The following SMIM36 variants were observed in gnomAD, a reference collection of about 807,000 sequenced individuals.
SMIM36 encodes small integral membrane protein 36.
chr17:55,486,835 T>C (rs1337291777), intron 1 of SMIM36, among the ~76,000 whole-genome samples: 5 of 152,186 alleles, frequency 3.3e-5, no homozygotes, highest in Non-Finnish European at 7.3e-5. Flanking sequence ...GAATAACTAA[T>C]ATCAGCTCCC....
upstream of SMIM36, among the ~76,000 whole-genome samples, chr17:55,513,755 G>C (rs143648848): frequency 1.4e-3 from 208 of 152,280 alleles, no homozygotes; most frequent in African/African-American, 4.7e-3. Flanking sequence ...ACTACATATA[G>C]TTTAGTCCAC....
At chr17:55,451,011 T>C (rs759732935) in intron 4 of SMIM36, among the ~76,000 whole-genome samples, 3 of 152,118 alleles carry the variant, frequency 2.0e-5, no homozygotes, top group African/African-American at 4.8e-5. Context: ...CTCAGCCTCT[T>C]GAGTAGCTGG....
At chr17:55,478,521 C>T (rs145873014) in intron 3 of SMIM36, among the ~76,000 whole-genome samples, 42 of 152,282 alleles carry the variant, frequency 2.8e-4, no homozygotes, top group African/African-American at 9.6e-4. Flanking sequence ...TGAGCCACCA[C>T]ACCTGGCCTA....
chr17:55,498,454 A>G (rs1909847389), intron 1 of SMIM36, among the ~76,000 whole-genome samples: 1 of 152,192 alleles, frequency 6.6e-6, no homozygotes, highest in Non-Finnish European at 1.5e-5. Context: ...TCTAGCCAGC[A>G]GGTCATGAAG....
the SMIM36 span, among the ~76,000 whole-genome samples, chr17:55,517,376 C>A: frequency 1.3e-5 from 2 of 152,144 alleles, no homozygotes; most frequent in African/African-American, 4.8e-5. Context: ...CATGGTGAAA[C>A]CCCATCTCTA....
At chr17:55,524,325 G>A in the SMIM36 span, among the ~76,000 whole-genome samples, 1 of 152,076 alleles carries the variant, frequency 6.6e-6, no homozygotes, top group Non-Finnish European at 1.5e-5. Flanking sequence ...ATCTGTCATC[G>A]ATGGACATTA....
At chr17:55,495,483 G>A (rs1353962632) in intron 1 of SMIM36, among the ~76,000 whole-genome samples, 1 of 152,148 alleles carries the variant, frequency 6.6e-6, no homozygotes, top group Admixed American at 6.5e-5. Context: ...TGTATAAACA[G>A]TGCTTATTTA....
At chr17:55,496,432 A>C (rs1282474245) in intron 1 of SMIM36, among the ~76,000 whole-genome samples, 1 of 152,184 alleles carries the variant, frequency 6.6e-6, no homozygotes, top group Non-Finnish European at 1.5e-5. Flanking sequence ...ACTTCCTACT[A>C]TCTTGGGAGG....
chr17:55,521,898 T>A, the SMIM36 span, among the ~76,000 whole-genome samples: 1 of 151,320 alleles, frequency 6.6e-6, no homozygotes. Context: ...CCTCCCAACT[T>A]GATTAATGCA....
chr17:55,451,502 T>C (rs1168527976), intron 4 of SMIM36, among the ~76,000 whole-genome samples: 1 of 152,244 alleles, frequency 6.6e-6, no homozygotes, highest in Non-Finnish European at 1.5e-5. Flanking sequence ...TTGAAGTGGC[T>C]GTTTCCTCCA....
At chr17:55,460,121 A>C (rs1598447122) in intron 4 of SMIM36, among the ~76,000 whole-genome samples, 1 of 152,206 alleles carries the variant, frequency 6.6e-6, no homozygotes, top group Admixed American at 6.5e-5. Flanking sequence ...TTAACTCATC[A>C]TCCATAGATC....
chr17:55,500,441 C>G (rs1293499512), intron 1 of SMIM36, among the ~76,000 whole-genome samples: 2 of 151,908 alleles, frequency 1.3e-5, no homozygotes, highest in Non-Finnish European at 2.9e-5. Context: ...ATTCTTAGTT[C>G]TAGTTCTTAC....
intron 1 of SMIM36, among the ~76,000 whole-genome samples, chr17:55,480,241 T>TAAAA (rs112973181): frequency 2.3e-5 from 3 of 128,798 alleles, no homozygotes; most frequent in African/African-American, 8.7e-5. Context: ...TGGAGCGTTC[T>TAAAA]AAAAAAAAAA....
At chr17:55,519,426 TG>T in the SMIM36 span, among the ~76,000 whole-genome samples, 2 of 152,252 alleles carry the variant, frequency 1.3e-5, no homozygotes, top group African/African-American at 4.8e-5. Flanking sequence ...GGTCCCTGTG[TG>T]GTCAAAGAGA....
intron 1 of SMIM36, among the ~76,000 whole-genome samples, chr17:55,507,335 C>G (rs1341194714): frequency 2.7e-4 from 37 of 136,760 alleles, no homozygotes; most frequent in Non-Finnish European, 5.5e-4. Flanking sequence ...ACCCAAATGT[C>G]CAACAACGAT....
intron 1 of SMIM36, among the ~76,000 whole-genome samples, chr17:55,496,919 C>T (rs1909818511): frequency 6.6e-6 from 1 of 152,134 alleles, no homozygotes. Context: ...CTCAAACTCC[C>T]TTGTTTCTAA....
chr17:55,463,903 G>A (rs1260612591), intron 4 of SMIM36, among the ~76,000 whole-genome samples: 4 of 152,072 alleles, frequency 2.6e-5, no homozygotes, highest in Non-Finnish European at 4.4e-5. Flanking sequence ...ATCACTTGAG[G>A]CCAGGAGTTC....
At chr17:55,491,755 A>T (rs1909709443) in intron 1 of SMIM36, among the ~76,000 whole-genome samples, 1 of 152,196 alleles carries the variant, frequency 6.6e-6, no homozygotes, top group African/African-American at 2.4e-5. Context: ...ACAACCTCAA[A>T]GATGAAGTAA....
intron 3 of SMIM36, among the ~76,000 whole-genome samples, chr17:55,475,208 T>A (rs1487706876): frequency 2.0e-5 from 3 of 152,148 alleles, no homozygotes; most frequent in Non-Finnish European, 4.4e-5. Context: ...CCTGCCCCTG[T>A]TTACACTGCC....
Sources: allele counts gnomAD v4.1 joint callset (sites outside exome capture counted in the v4.1 genomes callset), GRCh38; gene constraint gnomAD v4.1.1; transcripts MANE v1.5; gene names NCBI Gene and HGNC (gene_info 2026-07-23, HGNC 2026-07-21).